Variants in SLC3A2 observed in about 807,000 individuals in gnomAD.
The protein encoded by SLC3A2 is amino acid transporter heavy chain SLC3A2.
A neutral mutation model predicts 48.5 loss-of-function variants in SLC3A2; 32 were observed. The ratio of observed to expected loss-of-function variants is 0.66; its 90% CI spans 0.50 to 0.89. The LOEUF (loss-of-function observed/expected upper bound fraction) is 0.89. SLC3A2 is among the 40% of genes least tolerant of loss of function. SLC3A2 has a pLI of 0.00. For missense variants in SLC3A2, 587 were observed against 680.7 expected, an observed-to-expected ratio of 0.86 and a Z score of 1.53; for synonymous variants, 277 against 288.8, an observed-to-expected ratio of 0.96 and a Z score of 0.41.
chr11:62,887,387 G>C (rs1004119650), intron 7 of SLC3A2, among the ~76,000 whole-genome samples: 3 of 152,094 alleles, frequency 2.0e-5, no homozygotes, highest in Admixed American at 2.0e-4. Context: ...CCTGAGGTGG[G>C]AGCCTGCCTC....
At position 62,888,722 on chromosome 11, in the gene SLC3A2, T is replaced by A; in HGVS notation, c.*29T>A. On this transcript the variant is annotated 3_prime_UTR_variant, in exon 9 of 9. Coordinates refer to ENST00000338663, the MANE Select transcript of SLC3A2 (RefSeq NM_001013251.3). ...CAGCCTGACATGGACCCACTACCCT[T>A]CTCCTTTCCTTCCCAGGCCCTTTGG... 2 of 1,526,956 alleles carry A rather than the reference T, an allele frequency of 1.3e-6. No individual in the cohort carries two copies. The highest frequency in any genetic ancestry group is 2.3e-5 in the East Asian group (1 of 44,122). 94.6% of individuals were successfully genotyped at this position (1,526,956 alleles called of 1,614,324 possible).
chr11:62,857,271 G>A (rs1358876495), intron 1 of SLC3A2, among the ~76,000 whole-genome samples: 2 of 152,048 alleles, frequency 1.3e-5, no homozygotes, highest in African/African-American at 4.8e-5. Context: ...ACAGGCTCCC[G>A]CCATCATCAT....
In SLC3A2 at chr11:62,884,380, G is replaced by A. The variant is rs553928110; in HGVS notation, c.691-77G>A. The A allele has an allele frequency of 1.3e-5, 19 of 1,504,630 alleles. No homozygotes were observed. In the East Asian group the frequency reaches 4.1e-4, roughly 32 times the overall value. 93.2% of individuals were successfully genotyped at this position (1,504,630 alleles called of 1,614,324 possible). On this transcript the variant is annotated intron_variant, in intron 3 of 8. Coordinates refer to ENST00000338663, the MANE Select transcript of SLC3A2 (RefSeq NM_001013251.3). ...TCCCGGGGAAGTGTGTGGTGGGTGAGGTTTAGTGTGGGCTGGAATTTTCTG... is the reference window on the plus strand; with the variant it reads ...TCCCGGGGAAGTGTGTGGTGGGTGAAGTTTAGTGTGGGCTGGAATTTTCTG...
Position 62,880,916 on chromosome 11 carries a change from C to G in SLC3A2, c.-108C>G. ...TGAGCAGATGCAGTAGCCGAAACTG[C>G]GCGGAGGCACAGAGGCCGGGGAGAG... On this transcript the variant is annotated 5_prime_UTR_variant, in exon 1 of 9. Transcript: ENST00000338663. 6.9e-7 allele frequency: 1 copy of G among 1,458,096 alleles called. No individual in the cohort carries two copies. 90.3% of individuals were successfully genotyped at this position (1,458,096 alleles called of 1,614,324 possible). A position where few individuals can be genotyped will look rare whatever the true frequency, so the allele number is the denominator to read the frequency against.
At chr11:62,867,722 CCT>C (rs1259921340) in intron 1 of SLC3A2, among the ~76,000 whole-genome samples, 2 of 151,938 alleles carry the variant, frequency 1.3e-5, no homozygotes, top group Non-Finnish European at 2.9e-5. Context: ...CACAAACAAT[CCT>C]CCCACCTCAG....
In SLC3A2 at chr11:62,884,624, C is replaced by T. The variant is rs759351386; in HGVS notation, c.760-8C>T. ...CTCTGGTCCTTGATTCTGCTTTTTT[C>T]TTTCTAGGATGCATCCTCATTCTTG... On this transcript the variant is annotated splice_polypyrimidine_tract_variant and splice_region_variant and intron_variant, in intron 4 of 8. Transcript: ENST00000338663. 4.3e-6 allele frequency: 7 copies of T among 1,611,084 alleles called. No individual in the cohort carries two copies. Among genetic ancestry groups the T allele is most frequent in the Admixed American group, 1.7e-5 (1 of 59,714 alleles).
At chr11:62,863,102 G>A (rs1237384558) in intron 1 of SLC3A2, among the ~76,000 whole-genome samples, 2 of 151,962 alleles carry the variant, frequency 1.3e-5, no homozygotes, top group Non-Finnish European at 2.9e-5. Flanking sequence ...TATGTTTTTA[G>A]TAGAGACGGG....
Position 62,881,098 on chromosome 11 carries a change from C to T in SLC3A2, c.75C>T (p.Asn25=), listed in dbSNP as rs1590632117. ...TAGAGCCCGAGAAGCAGCCGATGAA[C>T]GCGGCGTCTGGGGCGGCCATGTCCC... ...NELEPEKQPM[N]AASGAAMSLA... Residue 25 remains asparagine (N), a synonymous_variant, in exon 1 of 9, where the codon AAC becomes AAT. Transcript: ENST00000338663. This position sits in a 1 kb window ranked among gnomAD's most constrained non-coding sequence, Gnocchi z 4.0. The T allele has an allele frequency of 3.7e-6, 6 of 1,609,060 alleles. 1 individual carries two copies. The highest frequency in any genetic ancestry group is 2.2e-5 in the South Asian group (2 of 89,962).
At chr11:62,856,210 A>G in exon 1 of SLC3A2, 1 of 1,384,532 alleles carries the variant, frequency 7.2e-7, no homozygotes, top group East Asian at 2.3e-5. Flanking sequence ...CTACCCTCTA[A>G]CCCTGTTCTG....
In SLC3A2 at chr11:62,881,318, G is replaced by A. The variant is rs766796469; in HGVS notation, c.295G>A (p.Ala99Thr). 1.9e-6 allele frequency: 3 copies of A among 1,580,688 alleles called. No individual in the cohort carries two copies. Among genetic ancestry groups the A allele is most frequent in the African/African-American group, 1.3e-5 (1 of 74,228 alleles). Reference protein sequence around the residue: ...WLGWLGMLAGAVVIIVRAPRC... With the variant: ...WLGWLGMLAGTVVIIVRAPRC... ...CGGCTGGCTCGGCATGCTTGCTGGTGCCGTGGTCATAATCGTGCGAGCGCC... is the reference window on the plus strand; with the variant it reads ...CGGCTGGCTCGGCATGCTTGCTGGTACCGTGGTCATAATCGTGCGAGCGCC... The change falls in exon 1 of 9, where the codon GCC (alanine) becomes ACC (threonine). Residue 99 changes from alanine to threonine, a missense_variant. Transcript: ENST00000338663. This position sits in a 1 kb window ranked among gnomAD's most constrained non-coding sequence, Gnocchi z 4.0.
intron 1 of SLC3A2, among the ~76,000 whole-genome samples, chr11:62,860,618 CA>C (rs2134971659): frequency 6.6e-6 from 1 of 152,272 alleles, no homozygotes; most frequent in African/African-American, 2.4e-5. Flanking sequence ...ATCTCAACTG[CA>C]AAGAGGCCTT....
At chr11:62,885,916 T>C (rs951362290) in intron 7 of SLC3A2, among the ~76,000 whole-genome samples, 1 of 152,210 alleles carries the variant, frequency 6.6e-6, no homozygotes, top group East Asian at 1.9e-4. Flanking sequence ...CTTTATTCTT[T>C]GGACAGTGGG....
At chr11:62,865,751 G>T (rs942899820) in intron 1 of SLC3A2, among the ~76,000 whole-genome samples, 1 of 151,846 alleles carries the variant, frequency 6.6e-6, no homozygotes, top group Non-Finnish European at 1.5e-5. Flanking sequence ...ATGCTCTATT[G>T]TATCCACAAC....
At position 62,881,845 on chromosome 11, in the gene SLC3A2, A is replaced by T; in HGVS notation, c.425-48A>T. The T allele has an allele frequency of 6.3e-7, 1 of 1,596,008 alleles. No homozygotes were observed. ...TGGGAGAAGGGAGGGTGGGGAGGTCAGGGGCCTCTCAGAGGGGCCTCACTT... is the reference window on the plus strand; with the variant it reads ...TGGGAGAAGGGAGGGTGGGGAGGTCTGGGGCCTCTCAGAGGGGCCTCACTT... On this transcript the variant is annotated intron_variant, in intron 1 of 8. Transcript: ENST00000338663. This position sits in a 1 kb window ranked among gnomAD's most constrained non-coding sequence, Gnocchi z 4.0.
intron 4 of SLC3A2, 38 bp downstream of exon 4, chr11:62,884,563 G>A (rs778160282): frequency 3.7e-6 from 6 of 1,613,892 alleles, no homozygotes; most frequent in Non-Finnish European, 5.1e-6. Flanking sequence ...AAGCTTGGGC[G>A]AGAACAGAGG....
intron 7 of SLC3A2, among the ~76,000 whole-genome samples, chr11:62,887,667 C>T (rs1432153059): frequency 6.8e-6 from 1 of 147,504 alleles, no homozygotes; most frequent in Non-Finnish European, 1.5e-5. Flanking sequence ...CGTGCCATTG[C>T]ACTCCAGCCT....
At chr11:62,866,235 G>A (rs1057165846) in intron 1 of SLC3A2, among the ~76,000 whole-genome samples, 24 of 149,428 alleles carry the variant, frequency 1.6e-4, no homozygotes, top group Non-Finnish European at 2.4e-4. Flanking sequence ...CTTCTGCCTC[G>A]GCCTCCCAAG....
At chr11:62,883,304 TTC>T in intron 3 of SLC3A2, 1 of 344,764 alleles carries the variant, frequency 2.9e-6, no homozygotes, top group South Asian at 3.3e-5. Flanking sequence ...AGGAAGCCCT[TTC>T]TCTGTGAGAA....
rs1375646990 is a variant in SLC3A2, at chr11:62,858,560, TAA to T, written c.112+2180_112+2181del. Among the ~76,000 whole-genome samples, 453 of 152,218 alleles carry T rather than the reference TAA, an allele frequency of 3.0e-3. 3 individuals carry two copies. The highest frequency in any genetic ancestry group is 9.4e-3 in the African/African-American group (389 of 41,536). On this transcript the variant is annotated intron_variant, in intron 1 of 9. Transcript: ENST00000377889. ...CCTCCACACCTGTGGATGTTTCTCC[TAA>T]GGTGGAACGAGAGACTTAGGAAAGA... is the stretch of plus-strand genomic sequence containing the variant.
Sources: gnomAD v4.1 joint callset for allele counts (sites outside exome capture counted in the v4.1 genomes callset) on GRCh38, gnomAD v4.1.1 for gene constraint, Gnocchi (gnomAD v3.1) non-coding constraint, MANE v1.5 for transcripts, NCBI Gene and HGNC (gene_info 2026-07-23, HGNC 2026-07-21) for gene names.